BEND5: variants seen among roughly 807,000 people sequenced by gnomAD.
BEND5 encodes the protein BEN domain containing 5, also known as BEN domain-containing protein 5.
Under a neutral mutation model 43.9 loss-of-function variants are expected in BEND5, and 22 were observed. The observed-to-expected ratio is 0.50, with a 90% confidence interval of 0.36 to 0.72. The LOEUF (loss-of-function observed/expected upper bound fraction) is 0.72, where lower values mean the gene tolerates loss of function less well. BEND5 is among the 30% of genes least tolerant of loss of function. The pLI is 0.00. For synonymous variants in BEND5, 228 were observed against 225.9 expected, an observed-to-expected ratio of 1.01 and a Z score of -0.08; for missense variants, 428 against 550.6, an observed-to-expected ratio of 0.78 and a Z score of 2.23.
intron 3 of BEND5, among the ~76,000 whole-genome samples, chr1:48,749,701 T>A (rs1050833493): frequency 5.3e-5 from 8 of 152,172 alleles, no homozygotes; most frequent in African/African-American, 1.9e-4. Flanking sequence ...GAATAGGTTG[T>A]CACCTCTAGA....
chr1:48,742,851 C>CT (rs1650132258), intron 3 of BEND5, 80 bp from the exon 4 acceptor site: 1 of 1,346,226 alleles, frequency 7.4e-7, no homozygotes, highest in Admixed American at 2.8e-5. Flanking sequence ...CATCTATCAG[C>CT]ACACCATGGC....
chr1:48,767,832 A>G (rs908625695), intron 1 of BEND5, among the ~76,000 whole-genome samples: 1 of 152,174 alleles, frequency 6.6e-6, no homozygotes, highest in African/African-American at 2.4e-5. Flanking sequence ...GAAACCACCA[A>G]AGATTTGGGC....
intron 5 of BEND5, among the ~76,000 whole-genome samples, chr1:48,729,362 G>A (rs1647723908): frequency 6.6e-6 from 1 of 152,166 alleles, no homozygotes; most frequent in Admixed American, 6.5e-5. Flanking sequence ...GGCGTGGGTG[G>A]TGAATGTACC....
In BEND5 at chr1:48,736,963, A is replaced by G. The variant is rs1280850442; in HGVS notation, c.895-511T>C. Among the ~76,000 whole-genome samples, 4 of 152,154 alleles carry G rather than the reference A, an allele frequency of 2.6e-5. No homozygotes were observed. Among genetic ancestry groups the G allele is most frequent in the African/African-American group, 9.7e-5 (4 of 41,430 alleles). Reference sequence around the variant, plus strand: ...TGGTGGTTCTCAACCTTGGCTGCACACAGGGGTCACCTAGGGAGCTGTAAA... The same window carrying G: ...TGGTGGTTCTCAACCTTGGCTGCACGCAGGGGTCACCTAGGGAGCTGTAAA... On this transcript the variant is annotated intron_variant, in intron 4 of 5. Transcript: ENST00000371833. The surrounding 1 kb of genome is among the most constrained non-coding windows in gnomAD (Gnocchi z 4.0).
intron 3 of BEND5, among the ~76,000 whole-genome samples, chr1:48,755,311 G>A (rs1326523417): frequency 1.3e-5 from 2 of 152,180 alleles, no homozygotes. Flanking sequence ...ACCTCGGTGA[G>A]TAAATAATGA....
At chr1:48,774,557 T>A (rs1192253852) in intron 1 of BEND5, among the ~76,000 whole-genome samples, 1 of 152,238 alleles carries the variant, frequency 6.6e-6, no homozygotes, top group Non-Finnish European at 1.5e-5. Context: ...CTGGCACACT[T>A]CTTTGAACCT....
intron 1 of BEND5, among the ~76,000 whole-genome samples, chr1:48,771,826 A>C (rs1027611589): frequency 6.6e-6 from 1 of 152,224 alleles, no homozygotes; most frequent in Non-Finnish European, 1.5e-5. Context: ...ATGAGCTAAA[A>C]TTACCAAAGC....
chr1:48,746,971 A>G (rs1650870137), intron 3 of BEND5, among the ~76,000 whole-genome samples: 1 of 152,226 alleles, frequency 6.6e-6, no homozygotes. Flanking sequence ...GAGGGCCCCT[A>G]GTGCTTTTAA....
At chr1:48,747,710 G>A (rs1650990412) in intron 3 of BEND5, among the ~76,000 whole-genome samples, 2 of 152,182 alleles carry the variant, frequency 1.3e-5, no homozygotes, top group Non-Finnish European at 1.5e-5. Flanking sequence ...GTTTGCTGGG[G>A]CAACAAATAC....
chr1:48,730,662 C>A (rs10888618), intron 5 of BEND5, among the ~76,000 whole-genome samples: 4 of 151,870 alleles, frequency 2.6e-5, no homozygotes, highest in Non-Finnish European at 5.9e-5. Context: ...CAGCACTGAA[C>A]GAAAAGCTTC....
chr1:48,760,137 A>C (rs1252418101), intron 2 of BEND5, among the ~76,000 whole-genome samples: 1 of 152,208 alleles, frequency 6.6e-6, no homozygotes, highest in Non-Finnish European at 1.5e-5. Flanking sequence ...AAGACAGTGG[A>C]TAGAGAGAAG....
intron 1 of BEND5, among the ~76,000 whole-genome samples, chr1:48,764,313 G>A (rs7529802): frequency 0.88 from 133,588 of 152,224 alleles, 58,961 homozygotes; most frequent in Non-Finnish European, 0.93. Flanking sequence ...GAATTGAAGT[G>A]AATAATTCCT....
intron 3 of BEND5, among the ~76,000 whole-genome samples, chr1:48,752,698 T>C (rs1651930987): frequency 6.6e-6 from 1 of 152,218 alleles, no homozygotes; most frequent in South Asian, 2.1e-4. Flanking sequence ...CAGTACCTAC[T>C]GAGCACCTAC....
chr1:48,755,555 C>A (rs1394278554), intron 3 of BEND5, among the ~76,000 whole-genome samples: 110 of 152,328 alleles, frequency 7.2e-4, no homozygotes, highest in Non-Finnish European at 1.3e-4. Flanking sequence ...CTACATCAAC[C>A]CTAACCCAGG....
Position 48,727,915 on chromosome 1 carries a change from G to A in BEND5, c.1237C>T (p.Arg413Ter). 3 of 1,605,894 alleles carry A rather than the reference G, an allele frequency of 1.9e-6. No individual in the cohort carries two copies. The highest frequency in any genetic ancestry group is 2.6e-6 in the Non-Finnish European group (3 of 1,174,472). The change falls in exon 6 of 6, where the codon CGA becomes TGA. Residue 413 changes from arginine (R) to a stop codon, truncating the protein, a stop_gained. Transcript: ENST00000371833. LOFTEE classifies it high-confidence loss of function. ...TGCAAATTGTATTTTGCTTCCCTTC[G>A]TTCTTCATTTTTACAGGATTTATTG... Reference protein sequence around the residue: ...DINKSCKNEERREAKYNLQ With the variant: ...DINKSCKNEE
At chr1:48,745,731 T>C (rs1422390486) in intron 3 of BEND5, among the ~76,000 whole-genome samples, 2 of 152,182 alleles carry the variant, frequency 1.3e-5, no homozygotes, top group African/African-American at 2.4e-5. Flanking sequence ...TAATTATCTC[T>C]AGCCCTTGGC....
chr1:48,735,151 C>T (rs1333249793), intron 5 of BEND5, among the ~76,000 whole-genome samples: 3 of 152,194 alleles, frequency 2.0e-5, no homozygotes, highest in African/African-American at 7.2e-5. Flanking sequence ...TTAACAAAAA[C>T]CCCTAAATCC....
chr1:48,733,439 C>T (rs1212834893), intron 5 of BEND5, among the ~76,000 whole-genome samples: 1 of 152,118 alleles, frequency 6.6e-6, no homozygotes, highest in Admixed American at 6.6e-5. Flanking sequence ...TTATTTTCCT[C>T]TGTGAAAGAA....
intron 4 of BEND5, among the ~76,000 whole-genome samples, chr1:48,739,132 T>C (rs1649519438): frequency 1.3e-5 from 2 of 152,214 alleles, no homozygotes; most frequent in South Asian, 4.1e-4. Context: ...TGTATCTGCC[T>C]GGCTACTTCC....
Sources: allele counts gnomAD v4.1 joint callset (sites outside exome capture counted in the v4.1 genomes callset), GRCh38; gene constraint gnomAD v4.1.1; non-coding constraint Gnocchi (gnomAD v3.1); transcripts MANE v1.5; gene names NCBI Gene and HGNC (gene_info 2026-07-23, HGNC 2026-07-21).